The following UNC13C variants were observed in gnomAD, a reference collection of about 807,000 sequenced individuals.
UNC13C encodes unc-13 homolog C.
In UNC13C, 174 loss-of-function variants were observed where a neutral mutation model predicts 245.4. The ratio of observed to expected loss-of-function variants is 0.71; its 90% CI spans 0.63 to 0.80. The LOEUF (loss-of-function observed/expected upper bound fraction) is 0.80, where lower values mean the gene tolerates loss of function less well. UNC13C is among the 30% of genes least tolerant of loss of function. The pLI, the probability that UNC13C is intolerant of heterozygous loss-of-function variation, is 0.00. For synonymous variants in UNC13C, 992 were observed against 895.1 expected (o/e 1.11, Z -1.93); for missense variants, 2,829 against 2,602.9 (o/e 1.09, Z -1.89).
intron 30 of UNC13C, among the ~76,000 whole-genome samples, chr15:54,589,376 G>A (rs537371032): frequency 7.8e-6 from 1 of 128,210 alleles, no homozygotes; most frequent in Non-Finnish European, 1.6e-5. Context: ...TTGGCTGACT[G>A]CAGCCTCCGC....
At chr15:54,167,684 T>A (rs1393943505) in intron 4 of UNC13C, among the ~76,000 whole-genome samples, 1 of 143,976 alleles carries the variant, frequency 6.9e-6, no homozygotes. Context: ...TCAAAATCTA[T>A]CATATTTTTA....
chr15:53,941,476 CAAAAG>C, the UNC13C span, among the ~76,000 whole-genome samples: 9 of 152,186 alleles, frequency 5.9e-5, no homozygotes, highest in Admixed American at 2.0e-4. Context: ...TTTCTGCAAT[CAAAAG>C]AAACTATCAT....
intron 1 of UNC13C, among the ~76,000 whole-genome samples, chr15:53,979,345 T>C (rs1312858058): frequency 8.1e-6 from 1 of 124,152 alleles, no homozygotes; most frequent in Non-Finnish European, 1.8e-5. Context: ...CACTAGTGTG[T>C]CACCCAAGTG....
At chr15:53,838,960 A>C in the UNC13C span, among the ~76,000 whole-genome samples, 1 of 152,100 alleles carries the variant, frequency 6.6e-6, no homozygotes, top group African/African-American at 2.4e-5. Flanking sequence ...AGGAAATTGA[A>C]AATTTGTCCA....
chr15:54,156,247 T>C (rs2032740685), intron 4 of UNC13C, among the ~76,000 whole-genome samples: 1 of 152,124 alleles, frequency 6.6e-6, no homozygotes, highest in Non-Finnish European at 1.5e-5. Context: ...CAGGCATCTT[T>C]TTTGCTTTGA....
chr15:54,614,752 A>T (rs1900319433), intron 30 of UNC13C, among the ~76,000 whole-genome samples: 1 of 151,990 alleles, frequency 6.6e-6, no homozygotes, highest in South Asian at 2.1e-4. Flanking sequence ...TATTTATTAT[A>T]TACTTAGACA....
At chr15:54,179,624 G>A (rs928444528) in intron 4 of UNC13C, among the ~76,000 whole-genome samples, 1 of 152,060 alleles carries the variant, frequency 6.6e-6, no homozygotes, top group Non-Finnish European at 1.5e-5. Context: ...GAAAATATCA[G>A]TATATGAGCT....
chr15:54,088,243 C>T (rs2141130890), intron 2 of UNC13C, among the ~76,000 whole-genome samples: 1 of 124,492 alleles, frequency 8.0e-6, no homozygotes, highest in Admixed American at 9.6e-5. Context: ...CTCATCCAAT[C>T]AGCCAGTTCA....
At chr15:54,025,183 A>C (rs1022590316) in intron 2 of UNC13C, among the ~76,000 whole-genome samples, 1 of 152,206 alleles carries the variant, frequency 6.6e-6, no homozygotes, top group Non-Finnish European at 1.5e-5. Context: ...AAGCATCTTC[A>C]CTGCCCTCAA....
the UNC13C span, among the ~76,000 whole-genome samples, chr15:53,903,021 A>C: frequency 6.6e-6 from 1 of 152,242 alleles, no homozygotes; most frequent in Admixed American, 6.5e-5. Flanking sequence ...AGTGATGATC[A>C]TACAGTCAAT....
chr15:54,106,401 T>C (rs1900446990), intron 2 of UNC13C, among the ~76,000 whole-genome samples: 2 of 152,214 alleles, frequency 1.3e-5, no homozygotes, highest in African/African-American at 4.8e-5. Flanking sequence ...TTAAAACTTC[T>C]CTTGTTCTTA....
the UNC13C span, among the ~76,000 whole-genome samples, chr15:53,860,661 T>C: frequency 6.6e-6 from 1 of 152,206 alleles, no homozygotes; most frequent in South Asian, 2.1e-4. Flanking sequence ...TTCCTAATCC[T>C]TTCAAACCAT....
chr15:54,144,128 T>C (rs184067834), intron 4 of UNC13C, among the ~76,000 whole-genome samples: 8 of 152,278 alleles, frequency 5.3e-5, no homozygotes, highest in Admixed American at 5.2e-4. Context: ...GTATTACACT[T>C]AACATAAGTA....
At chr15:53,976,417 C>T, upstream of UNC13C, among the ~76,000 whole-genome samples, 1 of 146,792 alleles carries the variant, frequency 6.8e-6, no homozygotes, top group African/African-American at 2.5e-5. Flanking sequence ...TATTTTCAAA[C>T]TTTTCATGGC....
At chr15:54,462,339 G>A (rs180736879) in intron 19 of UNC13C, among the ~76,000 whole-genome samples, 1 of 152,240 alleles carries the variant, frequency 6.6e-6, no homozygotes, top group African/African-American at 2.4e-5. Context: ...CTTCGCCTAA[G>A]CGTCCACTGT....
chr15:53,915,189 G>C, the UNC13C span, among the ~76,000 whole-genome samples: 1 of 152,138 alleles, frequency 6.6e-6, no homozygotes, highest in African/African-American at 2.4e-5. Flanking sequence ...GTCCTACCTG[G>C]TTTCAGTAGA....
chr15:54,624,757 T>C (rs1356129116), intron 32 of UNC13C, among the ~76,000 whole-genome samples: 1 of 152,110 alleles, frequency 6.6e-6, no homozygotes, highest in East Asian at 1.9e-4. Flanking sequence ...GTGTGGAAAG[T>C]AGATTCTTGC....
chr15:54,264,127 T>C (rs2140889462), intron 8 of UNC13C, 41 bp from the exon 9 acceptor site: 1 of 1,539,274 alleles, frequency 6.5e-7, no homozygotes, highest in Non-Finnish European at 8.8e-7. Context: ...CAAAAAGTAA[T>C]GGCATTTCCA....
chr15:54,567,111 C>T (rs1389763556), intron 29 of UNC13C, among the ~76,000 whole-genome samples: 2 of 152,066 alleles, frequency 1.3e-5, no homozygotes, highest in Non-Finnish European at 2.9e-5. Flanking sequence ...ATGAAAAATG[C>T]TAACATCCCT....
Sources: allele counts gnomAD v4.1 joint callset (sites outside exome capture counted in the v4.1 genomes callset), GRCh38; gene constraint gnomAD v4.1.1; transcripts MANE v1.5; gene names NCBI Gene and HGNC (gene_info 2026-07-23, HGNC 2026-07-21).